The following KIAA1549 variants were observed in gnomAD, a reference collection of about 807,000 sequenced individuals.
The protein encoded by KIAA1549 is KIAA1549.
In KIAA1549, 70 loss-of-function variants were observed where a neutral mutation model predicts 156.4. The ratio of observed to expected loss-of-function variants is 0.45; its 90% CI spans 0.37 to 0.55. The LOEUF (loss-of-function observed/expected upper bound fraction) is 0.55, where lower values mean the gene tolerates loss of function less well. Ranked by LOEUF, KIAA1549 falls within the 20% of genes least tolerant of loss-of-function variation. KIAA1549 has a pLI of 0.00. For synonymous variants in KIAA1549, 1,103 were observed against 1,066.4 expected (o/e 1.03, Z -0.67); for missense variants, 2,428 against 2,540.9 (o/e 0.96, Z 0.96).
At chr7:138,850,376 A>C (rs1454064937) in intron 17 of KIAA1549, among the ~76,000 whole-genome samples, 1 of 152,300 alleles carries the variant, frequency 6.6e-6, no homozygotes, top group Admixed American at 6.5e-5. Flanking sequence ...CGACCTTTTA[A>C]TAATAGCCAT....
chr7:138,962,067 CTCAGT>C (rs1324139911), intron 1 of KIAA1549, among the ~76,000 whole-genome samples: 1 of 152,122 alleles, frequency 6.6e-6, no homozygotes, highest in Non-Finnish European at 1.5e-5. Flanking sequence ...TCTCTCCTCT[CTCAGT>C]TATCAGTTAT....
At chr7:138,955,641 C>T (rs1052636954) in intron 1 of KIAA1549, among the ~76,000 whole-genome samples, 3 of 152,144 alleles carry the variant, frequency 2.0e-5, no homozygotes, top group South Asian at 2.1e-4. Flanking sequence ...GTATACATAG[C>T]ATGATCCCAT....
intron 1 of KIAA1549, among the ~76,000 whole-genome samples, chr7:138,960,850 A>G (rs566580752): frequency 8.5e-4 from 130 of 152,356 alleles, no homozygotes; most frequent in African/African-American, 2.9e-3. Context: ...TTTTCCAAAG[A>G]GATCAAACTA....
chr7:138,839,776 G>A lies in KIAA1549; in HGVS notation c.5598+357C>T, dbSNP rs143765939. Among the ~76,000 whole-genome samples, 197 of 90,154 alleles carry A rather than the reference G, an allele frequency of 2.2e-3. 6 individuals carry two copies. The East Asian group carries it at 0.078, about 36-fold the overall frequency. 59.1% of individuals were successfully genotyped at this position (90,154 alleles called of 152,430 possible). ...AGAAGCTGCTAAATTGAGGGATTAT[G>A]TCTTTTTTTTTTTTTTTTTTTTTTT... On this transcript the variant is annotated intron_variant, in intron 19 of 19. Coordinates refer to ENST00000422774, the MANE Select transcript of KIAA1549 (RefSeq NM_001164665.2).
chr7:138,904,723 G>C (rs771653665), intron 7 of KIAA1549, among the ~76,000 whole-genome samples: 7 of 149,512 alleles, frequency 4.7e-5, no homozygotes, highest in Non-Finnish European at 1.0e-4. Flanking sequence ...TAAAACAAGA[G>C]AGAGATCCTT....
intron 10 of KIAA1549, among the ~76,000 whole-genome samples, chr7:138,887,078 A>G (rs968899352): frequency 7.9e-5 from 12 of 151,850 alleles, no homozygotes; most frequent in African/African-American, 2.9e-4. Flanking sequence ...ACTTTTATGT[A>G]CATATTTTTT....
chr7:138,884,558 A>C (rs1811338069), intron 10 of KIAA1549, among the ~76,000 whole-genome samples: 1 of 152,214 alleles, frequency 6.6e-6, no homozygotes, highest in Admixed American at 6.5e-5. Flanking sequence ...CAAGACCTAA[A>C]GCCATGCAAA....
chr7:138,923,888 T>C (rs1430574776), intron 1 of KIAA1549, among the ~76,000 whole-genome samples: 2 of 152,220 alleles, frequency 1.3e-5, no homozygotes, highest in Non-Finnish European at 2.9e-5. Flanking sequence ...TAGCTGGTTC[T>C]CCTAGCATCT....
intron 15 of KIAA1549, among the ~76,000 whole-genome samples, chr7:138,861,862 C>G (rs1440803858): frequency 6.6e-6 from 1 of 151,824 alleles, no homozygotes; most frequent in East Asian, 1.9e-4. Context: ...CAGAGTGAGA[C>G]CTTGTCTCAA....
chr7:138,939,580 G>C (rs1404100513), intron 1 of KIAA1549, among the ~76,000 whole-genome samples: 3 of 152,182 alleles, frequency 2.0e-5, no homozygotes, highest in Non-Finnish European at 2.9e-5. Context: ...AGATCAAGAG[G>C]CTTCATTAGA....
chr7:138,933,939 C>G (rs1280880948), intron 1 of KIAA1549, among the ~76,000 whole-genome samples: 1 of 152,196 alleles, frequency 6.6e-6, no homozygotes, highest in East Asian at 1.9e-4. Context: ...GTACTCTAGC[C>G]TGGGTGACAG....
intron 1 of KIAA1549, among the ~76,000 whole-genome samples, chr7:138,931,597 C>T (rs1451927156): frequency 6.6e-6 from 1 of 151,180 alleles, no homozygotes; most frequent in Non-Finnish European, 1.5e-5. Context: ...ATTAAAAATA[C>T]AAAAACTAGC....
chr7:138,873,519 A>G (rs111794425), intron 12 of KIAA1549, among the ~76,000 whole-genome samples: 92 of 151,236 alleles, frequency 6.1e-4, no homozygotes, highest in African/African-American at 2.2e-3. Context: ...CCATTAAGCT[A>G]CTGATACCTA....
intron 1 of KIAA1549, among the ~76,000 whole-genome samples, chr7:138,957,292 A>C (rs1047590072): frequency 6.6e-6 from 1 of 152,160 alleles, no homozygotes; most frequent in African/African-American, 2.4e-5. Flanking sequence ...CTGCCATGTG[A>C]GGCACCACAT....
At chr7:138,933,847 T>G (rs953463293) in intron 1 of KIAA1549, among the ~76,000 whole-genome samples, 1 of 152,128 alleles carries the variant, frequency 6.6e-6, no homozygotes, top group African/African-American at 2.4e-5. Context: ...GTGCCTGTAA[T>G]CCCAGCTACT....
At chr7:138,931,752 C>CA (rs71169066) in intron 1 of KIAA1549, among the ~76,000 whole-genome samples, 21,724 of 99,802 alleles carry the variant, frequency 0.22, 2,351 homozygotes, top group African/African-American at 0.25. Flanking sequence ...AGTCCCATCT[C>CA]AAAAAAAAAA....
At chr7:138,871,091 A>T in intron 13 of KIAA1549, 66 bp downstream of exon 13, 1 of 1,477,450 alleles carries the variant, frequency 6.8e-7, no homozygotes, top group Non-Finnish European at 9.2e-7. Flanking sequence ...TGCTGGGATT[A>T]CAGGCATAAG....
intron 16 of KIAA1549, among the ~76,000 whole-genome samples, chr7:138,856,031 A>ATTT (rs1411790264): frequency 1.8e-4 from 27 of 149,012 alleles, no homozygotes; most frequent in African/African-American, 6.8e-4. Flanking sequence ...TTTATTATTT[A>ATTT]TTTTATTTTT....
intron 1 of KIAA1549, among the ~76,000 whole-genome samples, chr7:138,950,222 C>G (rs1813455074): frequency 6.6e-6 from 1 of 152,152 alleles, no homozygotes; most frequent in Non-Finnish European, 1.5e-5. Flanking sequence ...TACAAATACT[C>G]ATATATTAAT....
Sources: gnomAD v4.1 joint callset for allele counts (sites outside exome capture counted in the v4.1 genomes callset) on GRCh38, gnomAD v4.1.1 for gene constraint, MANE v1.5 for transcripts, NCBI Gene and HGNC (gene_info 2026-07-23, HGNC 2026-07-21) for gene names.